Variants in LRRC4C observed in about 807,000 individuals in gnomAD.
The protein encoded by LRRC4C is leucine-rich repeat-containing protein 4C.
LRRC4C carries 5 observed loss-of-function variants against 33.6 expected under a neutral mutation model. The ratio of observed to expected loss-of-function variants is 0.15; its 90% confidence interval spans 0.08 to 0.31. The LOEUF (loss-of-function observed/expected upper bound fraction) is 0.31, where lower values mean the gene tolerates loss of function less well. LRRC4C is among the 10% of genes least tolerant of loss of function. The pLI, the probability that LRRC4C is intolerant of heterozygous loss-of-function variation, is 1.00. For missense variants in LRRC4C, 560 were observed against 796.7 expected (o/e 0.70, Z 3.58); for synonymous variants, 329 against 302.0 (o/e 1.09, Z -0.93).
intron 3 of LRRC4C, among the ~76,000 whole-genome samples, chr11:40,359,578 G>A (rs1947853412): frequency 6.6e-6 from 1 of 152,060 alleles, no homozygotes; most frequent in African/African-American, 2.4e-5. Flanking sequence ...AAGGATCCTT[G>A]CCTCCAATCT....
intron 3 of LRRC4C, among the ~76,000 whole-genome samples, chr11:40,358,179 T>C (rs955397447): frequency 3.2e-5 from 4 of 126,202 alleles, no homozygotes; most frequent in Non-Finnish European, 5.1e-5. Flanking sequence ...AGAGACTCTG[T>C]CTCAAAAATA....
chr11:40,504,070 G>A (rs1322461349), intron 3 of LRRC4C, among the ~76,000 whole-genome samples: 1 of 152,068 alleles, frequency 6.6e-6, no homozygotes, highest in Non-Finnish European at 1.5e-5. Flanking sequence ...TTTACATGGT[G>A]AAAAGAGTTG....
intron 3 of LRRC4C, among the ~76,000 whole-genome samples, chr11:40,376,496 C>T (rs935611004): frequency 2.0e-5 from 3 of 152,144 alleles, no homozygotes; most frequent in Non-Finnish European, 4.4e-5. Context: ...AGTTTAAAGA[C>T]ATCTGGTTTT....
At chr11:40,730,141 T>C (rs1947486658) in intron 2 of LRRC4C, among the ~76,000 whole-genome samples, 1 of 152,076 alleles carries the variant, frequency 6.6e-6, no homozygotes, top group African/African-American at 2.4e-5. Context: ...TTGGGAGATA[T>C]AACTAATGCT....
At chr11:41,224,507 A>C (rs1230644084) in intron 1 of LRRC4C, among the ~76,000 whole-genome samples, 1 of 152,166 alleles carries the variant, frequency 6.6e-6, no homozygotes, top group Non-Finnish European at 1.5e-5. Flanking sequence ...AGTCTTACTG[A>C]TAATAAAGGT....
chr11:40,824,858 A>G (rs1428056870), intron 2 of LRRC4C, among the ~76,000 whole-genome samples: 2 of 151,958 alleles, frequency 1.3e-5, no homozygotes, highest in East Asian at 3.9e-4. Context: ...ACAAGTAAAG[A>G]TAATTATGCC....
intron 4 of LRRC4C, among the ~76,000 whole-genome samples, chr11:40,245,541 G>A (rs1036346355): frequency 1.3e-5 from 2 of 152,018 alleles, no homozygotes; most frequent in Admixed American, 6.6e-5. Context: ...TTATTGATAC[G>A]ATCCTCAAAT....
chr11:41,339,489 A>G (rs1265331829), intron 1 of LRRC4C, among the ~76,000 whole-genome samples: 1 of 152,162 alleles, frequency 6.6e-6, no homozygotes, highest in Non-Finnish European at 1.5e-5. Context: ...TTTCACACCA[A>G]TACAACAGAA....
intron 5 of LRRC4C, among the ~76,000 whole-genome samples, chr11:40,239,688 C>T (rs1356739651): frequency 1.3e-5 from 2 of 152,164 alleles, no homozygotes; most frequent in Non-Finnish European, 2.9e-5. Flanking sequence ...AAACTCCTAC[C>T]TTGCTGCTAT....
chr11:40,405,322 G>T (rs1247839900), intron 3 of LRRC4C, among the ~76,000 whole-genome samples: 1 of 151,890 alleles, frequency 6.6e-6, no homozygotes, highest in Non-Finnish European at 1.5e-5. Flanking sequence ...CCCCAAAATG[G>T]TCATGTGATC....
chr11:40,206,410 A>ATT (rs11303120), intron 5 of LRRC4C, among the ~76,000 whole-genome samples: 15 of 147,144 alleles, frequency 1.0e-4, no homozygotes, highest in Admixed American at 3.4e-4. Context: ...TAATTTTTGT[A>ATT]TTTTTTTTTT....
At chr11:41,417,475 G>A (rs1954726983) in intron 1 of LRRC4C, among the ~76,000 whole-genome samples, 1 of 152,008 alleles carries the variant, frequency 6.6e-6, no homozygotes, top group Non-Finnish European at 1.5e-5. Flanking sequence ...ATTACATGTA[G>A]TGACCCTTGA....
intron 1 of LRRC4C, among the ~76,000 whole-genome samples, chr11:41,005,251 G>T (rs1225581092): frequency 3.3e-5 from 5 of 152,168 alleles, no homozygotes; most frequent in Non-Finnish European, 7.3e-5. Flanking sequence ...GGGGGCAGAT[G>T]CCTCATGAAG....
rs1158464665 is a variant in LRRC4C, at chr11:40,442,162, CAAAAAAAAAAAAAA to C, written c.-269-122455_-269-122442del. Among the ~76,000 whole-genome samples the C allele has an allele frequency of 5.9e-4, 33 of 56,204 alleles. 2 individuals carry two copies. The South Asian group carries it at 0.033, about 57-fold the overall frequency. 36.9% of individuals were successfully genotyped at this position (56,204 alleles called of 152,430 possible). On this transcript the variant is annotated intron_variant, in intron 3 of 6. Coordinates refer to ENST00000528697, the MANE Select transcript of LRRC4C (RefSeq NM_001258419.2). The stretch of plus-strand genomic sequence containing the variant: ...TGGGTGACAGAGCCAGACTCCATTT[CAAAAAAAAAAAAAA>C]AAAAAAAAAAAAGATCAACTGCCTA...
At position 40,126,812 on chromosome 11, in the gene LRRC4C, T is replaced by A. The variant is rs182570545; in HGVS notation, c.-42-10478A>T. Among the ~76,000 whole-genome samples, 635 of 151,844 alleles carry A rather than the reference T, an allele frequency of 4.2e-3. 8 individuals carry two copies. The highest frequency in any genetic ancestry group is 0.015 in the African/African-American group (608 of 41,402). ...CCCATCTCTACTAAAAATACAAAATTAACCAGGTGTGTTGATGCATCCCTG... is the reference window on the plus strand; with the variant it reads ...CCCATCTCTACTAAAAATACAAAATAAACCAGGTGTGTTGATGCATCCCTG... On this transcript the variant is annotated intron_variant, in intron 6 of 6. Coordinates refer to ENST00000528697, the MANE Select transcript of LRRC4C (RefSeq NM_001258419.2).
At chr11:40,542,981 T>G (rs1348795857) in intron 3 of LRRC4C, among the ~76,000 whole-genome samples, 1 of 152,152 alleles carries the variant, frequency 6.6e-6, no homozygotes, top group Non-Finnish European at 1.5e-5. Flanking sequence ...ATTTCTAGGT[T>G]GTAAATCGAA....
In LRRC4C at chr11:40,360,919, C is replaced by T. The variant is rs1470572583; in HGVS notation, c.-269-41198G>A. On this transcript the variant is annotated intron_variant, in intron 3 of 6. Transcript: ENST00000528697. ...TTAACCATGATAAAATAGGCTTCAT[C>T]CTCAGATGCAAGTTTCGTTCAACAT... Among the ~76,000 whole-genome samples, 5 of 152,220 alleles carry T rather than the reference C, an allele frequency of 3.3e-5. No homozygotes were observed. In the East Asian group the frequency reaches 9.7e-4, roughly 29 times the overall value.
chr11:40,317,242 A>G (rs1195622608), intron 4 of LRRC4C, among the ~76,000 whole-genome samples: 1 of 150,456 alleles, frequency 6.6e-6, no homozygotes, highest in Non-Finnish European at 1.5e-5. Flanking sequence ...ATTCCTTTTT[A>G]AATATTGTTT....
intron 1 of LRRC4C, among the ~76,000 whole-genome samples, chr11:40,954,196 C>T (rs1051734773): frequency 2.0e-5 from 3 of 151,874 alleles, no homozygotes; most frequent in African/African-American, 7.2e-5. Context: ...CCAACATCCC[C>T]AACATGTAAC....
Sources: gnomAD v4.1 joint callset for allele counts (sites outside exome capture counted in the v4.1 genomes callset) on GRCh38, gnomAD v4.1.1 for gene constraint, MANE v1.5 for transcripts, NCBI Gene and HGNC (gene_info 2026-07-23, HGNC 2026-07-21) for gene names.